HK1: variants seen among roughly 807,000 people sequenced by gnomAD.
HK1 encodes hexokinase-1.
HK1 carries 28 observed loss-of-function variants against 91.6 expected under a neutral mutation model. That is an observed-to-expected ratio of 0.31 (90% CI 0.23 to 0.42). The LOEUF (loss-of-function observed/expected upper bound fraction) is 0.42. HK1 is among the 10% of genes least tolerant of loss of function. The pLI is 1.00. For synonymous variants in HK1, 430 were observed against 468.1 expected (o/e 0.92, Z 1.05); for missense variants, 770 against 1,219.8 (o/e 0.63, Z 5.49).
chr10:69,325,659 C>T (rs1329828331), intron 1 of HK1, among the ~76,000 whole-genome samples: 1 of 151,766 alleles, frequency 6.6e-6, no homozygotes, highest in Non-Finnish European at 1.5e-5. Context: ...CCCCCCTGCC[C>T]CCCAGTAGCT....
chr10:69,315,094 C>T (rs1846567858), upstream of HK1, among the ~76,000 whole-genome samples: 1 of 152,228 alleles, frequency 6.6e-6, no homozygotes, highest in Non-Finnish European at 1.5e-5. Context: ...GCTCTATAAC[C>T]TTCACATCCT....
At chr10:69,341,292 G>A (rs1475400210) in intron 1 of HK1, among the ~76,000 whole-genome samples, 1 of 151,768 alleles carries the variant, frequency 6.6e-6, no homozygotes, top group African/African-American at 2.4e-5. Context: ...CTCCCGAGTA[G>A]CTGGGACTAC....
intron 1 of HK1, among the ~76,000 whole-genome samples, chr10:69,319,682 TA>T (rs879929713): frequency 6.6e-6 from 1 of 152,220 alleles, no homozygotes; most frequent in Non-Finnish European, 1.5e-5. Flanking sequence ...GGAGCTCAAA[TA>T]AGCGACTGGT....
Position 69,398,737 on chromosome 10 carries a change from G to A in HK1, c.2518G>A (p.Ala840Thr). 6.2e-7 allele frequency: 1 copy of A among 1,614,238 alleles called. No homozygotes were observed. Among genetic ancestry groups the A allele is most frequent in the Non-Finnish European group, 8.5e-7 (1 of 1,180,036 alleles). The change falls in exon 17 of 18, where the codon GCG becomes ACG. Residue 840 changes from alanine to threonine, a missense_variant. Transcript: ENST00000359426. The part of the protein sequence containing the change: ...AAQLCGAGMA[A>T]VVDKIRENRG... ...ACAGCTGTGTGGCGCAGGCATGGCT[G>A]CGGTTGTGGATAAGATCCGCGAGAA...
chr10:69,345,162 G>C (rs769348009), intron 2 of HK1, among the ~76,000 whole-genome samples: 4 of 152,106 alleles, frequency 2.6e-5, no homozygotes, highest in Non-Finnish European at 4.4e-5. Context: ...AATGAGATTT[G>C]GACGCTGATA....
chr10:69,318,639 C>T (rs1015822642), upstream of HK1, among the ~76,000 whole-genome samples: 6 of 152,266 alleles, frequency 3.9e-5, no homozygotes, highest in South Asian at 2.1e-4. Flanking sequence ...GCCCCCTTTC[C>T]GGCGCAGGAG....
intron 1 of HK1, among the ~76,000 whole-genome samples, chr10:69,334,855 C>T (rs1255879805): frequency 1.3e-5 from 2 of 152,092 alleles, no homozygotes; most frequent in South Asian, 2.1e-4. Flanking sequence ...CACCTAAGGC[C>T]GAGGGGATGC....
At chr10:69,335,646 A>T (rs573948904) in intron 1 of HK1, among the ~76,000 whole-genome samples, 5 of 152,260 alleles carry the variant, frequency 3.3e-5, no homozygotes, top group Non-Finnish European at 5.9e-5. Context: ...AGGGTGTTGG[A>T]AGTGATGGTA....
At chr10:69,303,273 A>G (rs1430873054) in intron 5 of HK1, among the ~76,000 whole-genome samples, 1 of 152,076 alleles carries the variant, frequency 6.6e-6, no homozygotes, top group African/African-American at 2.4e-5. Context: ...TTTGTTTTGT[A>G]TGGGCATCAT....
At chr10:69,373,550 A>G (rs561442598) in intron 7 of HK1, among the ~76,000 whole-genome samples, 2 of 144,808 alleles carry the variant, frequency 1.4e-5, no homozygotes, top group Non-Finnish European at 3.0e-5. Flanking sequence ...CCCACCTTTT[A>G]TATCATTTTT....
upstream of HK1, among the ~76,000 whole-genome samples, chr10:69,314,397 G>T (rs184404369): frequency 6.6e-6 from 1 of 152,294 alleles, no homozygotes; most frequent in Admixed American, 6.5e-5. Flanking sequence ...AGCCAGGTTG[G>T]AAACCACTGA....
intron 2 of HK1, among the ~76,000 whole-genome samples, chr10:69,351,458 G>A (rs866929776): frequency 9.2e-5 from 14 of 151,876 alleles, no homozygotes; most frequent in South Asian, 2.1e-4. Context: ...GCAGTGAGCC[G>A]AGATCGCGCC....
intron 5 of HK1, among the ~76,000 whole-genome samples, chr10:69,306,723 C>T (rs186840587): frequency 1.8e-3 from 275 of 152,276 alleles, no homozygotes; most frequent in African/African-American, 6.2e-3. Context: ...TGTCAGTGTA[C>T]ATTGTTTGGG....
At chr10:69,354,131 C>T (rs1849017103) in intron 2 of HK1, among the ~76,000 whole-genome samples, 1 of 152,180 alleles carries the variant, frequency 6.6e-6, no homozygotes, top group Admixed American at 6.5e-5. Flanking sequence ...TGGGGAAAAA[C>T]CCACATGCAT....
At chr10:69,337,700 C>T (rs563677176) in intron 1 of HK1, among the ~76,000 whole-genome samples, 37 of 152,306 alleles carry the variant, frequency 2.4e-4, no homozygotes, top group African/African-American at 8.2e-4. Flanking sequence ...GTAAGTGGAG[C>T]GCCTTGCTTG....
chr10:69,318,840 G>A, upstream of HK1: 1 of 1,464,714 alleles, frequency 6.8e-7, no homozygotes, highest in Non-Finnish European at 9.0e-7. Flanking sequence ...AGCCGGGGGA[G>A]GAGGAGGAGG....
chr10:69,276,104 A>AT (rs1564746670), intron 1 of HK1, among the ~76,000 whole-genome samples: 2 of 46,926 alleles, frequency 4.3e-5, no homozygotes, highest in African/African-American at 1.5e-4. Flanking sequence ...AAAAAAAAAA[A>AT]AAAAAAAAAA....
At chr10:69,372,637 G>C (rs1488216980) in intron 7 of HK1, among the ~76,000 whole-genome samples, 3 of 152,176 alleles carry the variant, frequency 2.0e-5, no homozygotes, top group African/African-American at 7.2e-5. Context: ...TTGAAGGTTT[G>C]AGGTTTTCAG....
intron 3 of HK1, among the ~76,000 whole-genome samples, chr10:69,293,614 G>C (rs1845397613): frequency 6.6e-6 from 1 of 152,094 alleles, no homozygotes; most frequent in Non-Finnish European, 1.5e-5. Context: ...AGCTCACCTG[G>C]AACGGCTCTT....
Sources: allele counts gnomAD v4.1 joint callset (sites outside exome capture counted in the v4.1 genomes callset), GRCh38; gene constraint gnomAD v4.1.1; transcripts MANE v1.5; gene names NCBI Gene and HGNC (gene_info 2026-07-23, HGNC 2026-07-21).